Variants in ATXN1 observed in about 807,000 individuals in gnomAD.
ATXN1 encodes the protein ataxin-1.
In ATXN1, 8 loss-of-function variants were observed where a neutral mutation model predicts 56.4. The observed-to-expected ratio is 0.14, with a 90% confidence interval of 0.08 to 0.26. The LOEUF (loss-of-function observed/expected upper bound fraction) is 0.26. Ranked by LOEUF, ATXN1 falls within the 10% of genes least tolerant of loss-of-function variation. The pLI, the probability that ATXN1 is intolerant of heterozygous loss-of-function variation, is 1.00. For synonymous variants in ATXN1, 514 were observed against 494.6 expected, an observed-to-expected ratio of 1.04 and a Z score of -0.52; for missense variants, 987 against 1,106.5, an observed-to-expected ratio of 0.89 and a Z score of 1.53.
chr6:16,406,302 G>A (rs1758684854), intron 6 of ATXN1, among the ~76,000 whole-genome samples: 1 of 152,056 alleles, frequency 6.6e-6, no homozygotes, highest in African/African-American at 2.4e-5. Context: ...ATTTTTTCAA[G>A]AATCTAAATA....
intron 5 of ATXN1, among the ~76,000 whole-genome samples, chr6:16,513,057 A>C (rs573726350): frequency 3.9e-5 from 6 of 152,372 alleles, no homozygotes; most frequent in Non-Finnish European, 5.9e-5. Context: ...GCACATTTCA[A>C]AAGTTCAGCC....
intron 6 of ATXN1, among the ~76,000 whole-genome samples, chr6:16,415,215 T>A (rs1315936278): frequency 3.3e-5 from 5 of 152,020 alleles, no homozygotes. Flanking sequence ...AAACAATAAG[T>A]GGTTTTTTTG....
chr6:16,387,646 T>G (rs1372843730), intron 6 of ATXN1, among the ~76,000 whole-genome samples: 1 of 152,202 alleles, frequency 6.6e-6, no homozygotes, highest in Non-Finnish European at 1.5e-5. Flanking sequence ...GAGCTCTGCA[T>G]AGCAGAGGGC....
intron 6 of ATXN1, among the ~76,000 whole-genome samples, chr6:16,344,269 C>T (rs1226136372): frequency 6.6e-6 from 1 of 152,224 alleles, no homozygotes. Context: ...CACCAGCCAC[C>T]CCCGCATGCC....
chr6:16,463,225 C>T (rs1303847705), intron 6 of ATXN1, among the ~76,000 whole-genome samples: 2 of 152,150 alleles, frequency 1.3e-5, no homozygotes, highest in African/African-American at 4.8e-5. Context: ...GTTCTGTCTA[C>T]CCAGCCAAGG....
rs1760075835 is a variant in ATXN1 at position 16,301,011 on chromosome 6, C to T, written c.*5318G>A. 1 of 151,794 alleles carries T rather than the reference C, an allele frequency of 6.6e-6. No individual in the cohort carries two copies. Among genetic ancestry groups the T allele is most frequent in the African/African-American group, 2.4e-5 (1 of 41,222 alleles). 9.4% of individuals were successfully genotyped at this position (151,794 alleles called of 1,614,324 possible). ...ACGTAGTAATTCTTCCAGGCCATAA[C>T]CATACAAATCTGATCATTTAGACAT... On this transcript the variant is annotated 3_prime_UTR_variant, in exon 8 of 8. Transcript: ENST00000436367.
intron 2 of ATXN1, among the ~76,000 whole-genome samples, chr6:16,714,646 A>G (rs1327105281): frequency 6.6e-6 from 1 of 152,178 alleles, no homozygotes; most frequent in East Asian, 1.9e-4. Context: ...TTGTAATTGT[A>G]TATGTATTTT....
At chr6:16,319,468 G>A (rs1043427547) in intron 7 of ATXN1, among the ~76,000 whole-genome samples, 3 of 152,190 alleles carry the variant, frequency 2.0e-5, no homozygotes, top group African/African-American at 4.8e-5. Flanking sequence ...AATAGTTGAT[G>A]CATAAGGGAT....
At chr6:16,482,892 A>G (rs909846114) in intron 6 of ATXN1, among the ~76,000 whole-genome samples, 1 of 152,180 alleles carries the variant, frequency 6.6e-6, no homozygotes, top group East Asian at 1.9e-4. Flanking sequence ...CAAGAAGGTA[A>G]AATAAACGTT....
At chr6:16,637,154 T>C (rs1229432819) in intron 3 of ATXN1, among the ~76,000 whole-genome samples, 6 of 152,148 alleles carry the variant, frequency 3.9e-5, no homozygotes, top group Non-Finnish European at 7.3e-5. Flanking sequence ...CACCATGGAA[T>C]ACTATGTAGC....
At chr6:16,733,742 G>C (rs1041583518) in intron 2 of ATXN1, among the ~76,000 whole-genome samples, 3 of 152,242 alleles carry the variant, frequency 2.0e-5, no homozygotes, top group Admixed American at 2.0e-4. Flanking sequence ...AGCTACTTGG[G>C]AGGCTGAGGC....
chr6:16,583,142 C>T (rs1470154506), intron 4 of ATXN1, among the ~76,000 whole-genome samples: 3 of 152,208 alleles, frequency 2.0e-5, no homozygotes, highest in African/African-American at 7.2e-5. Flanking sequence ...AGGAGGTATT[C>T]TTAAGCTAAC....
chr6:16,548,068 C>T (rs1047310691), intron 4 of ATXN1, among the ~76,000 whole-genome samples: 4 of 152,134 alleles, frequency 2.6e-5, no homozygotes, highest in African/African-American at 9.7e-5. Context: ...GATGGGACAG[C>T]CTACTACACA....
intron 2 of ATXN1, among the ~76,000 whole-genome samples, chr6:16,749,046 A>T (rs1400717220): frequency 2.0e-5 from 3 of 152,232 alleles, no homozygotes; most frequent in African/African-American, 7.2e-5. Context: ...ATGGGAAGCC[A>T]AATTGTTCAA....
At chr6:16,510,890 A>G (rs1761071266) in intron 5 of ATXN1, among the ~76,000 whole-genome samples, 1 of 152,222 alleles carries the variant, frequency 6.6e-6, no homozygotes, top group East Asian at 1.9e-4. Flanking sequence ...AAGCTTGTCT[A>G]TTTAAGGGTG....
intron 3 of ATXN1, among the ~76,000 whole-genome samples, chr6:16,590,645 T>C (rs1000475586): frequency 1.3e-5 from 2 of 152,048 alleles, no homozygotes; most frequent in African/African-American, 4.8e-5. Flanking sequence ...GTAGGGGAAG[T>C]ATAAAAATAC....
intron 7 of ATXN1, among the ~76,000 whole-genome samples, chr6:16,319,373 G>T (rs1275359125): frequency 6.6e-6 from 1 of 152,226 alleles, no homozygotes; most frequent in Admixed American, 6.5e-5. Context: ...GATTCCAACT[G>T]CATGGCATTC....
At chr6:16,407,339 T>C (rs1758705840) in intron 6 of ATXN1, among the ~76,000 whole-genome samples, 1 of 152,226 alleles carries the variant, frequency 6.6e-6, no homozygotes, top group African/African-American at 2.4e-5. Flanking sequence ...TCGGAATGAA[T>C]GGGAAGGATA....
At chr6:16,658,639 C>G (rs976020481) in intron 2 of ATXN1, among the ~76,000 whole-genome samples, 1 of 152,204 alleles carries the variant, frequency 6.6e-6, no homozygotes, top group Non-Finnish European at 1.5e-5. Flanking sequence ...GAGCTTTTAA[C>G]GCTCACTTGT....
Sources: gnomAD v4.1 joint callset for allele counts (sites outside exome capture counted in the v4.1 genomes callset) on GRCh38, gnomAD v4.1.1 for gene constraint, MANE v1.5 for transcripts, NCBI Gene and HGNC (gene_info 2026-07-23, HGNC 2026-07-21) for gene names.